The following ERC1 variants were observed in gnomAD, a reference collection of about 807,000 sequenced individuals.
The protein encoded by ERC1 is RAB6 interacting protein 2.
Under a neutral mutation model 132.0 loss-of-function variants are expected in ERC1, and 56 were observed. The observed-to-expected ratio is 0.42, with a 90% CI of 0.34 to 0.53. ERC1 has a LOEUF of 0.53. ERC1 is among the 20% of genes least tolerant of loss of function. ERC1 has a pLI of 0.03. For missense variants in ERC1, 1,202 were observed against 1,349.9 expected, an observed-to-expected ratio of 0.89 and a Z score of 1.72; for synonymous variants, 478 against 476.1, an observed-to-expected ratio of 1.00 and a Z score of -0.05.
intron 12 of ERC1, among the ~76,000 whole-genome samples, chr12:1,202,455 C>T (rs61914326): frequency 0.19 from 28,821 of 151,866 alleles, 3,430 homozygotes; most frequent in Non-Finnish European, 0.27. Flanking sequence ...TCCAGGAGTT[C>T]GAGACCAGCT....
chr12:1,418,591 CTTTCTTTCTT>C (rs2092247552), intron 17 of ERC1, among the ~76,000 whole-genome samples: 1 of 20,952 alleles, frequency 4.8e-5, no homozygotes, highest in East Asian at 6.3e-3. Context: ...CTTTCTTTCT[CTTTCTTTCTT>C]TCTTTCTTTC....
intron 15 of ERC1, among the ~76,000 whole-genome samples, chr12:1,290,311 A>T (rs2079352443): frequency 6.6e-6 from 1 of 152,218 alleles, no homozygotes; most frequent in Admixed American, 6.5e-5. Flanking sequence ...TGGCGAGCTT[A>T]CTGGGGAAGA....
At chr12:1,238,161 C>CTTTT (rs34549684) in intron 13 of ERC1, among the ~76,000 whole-genome samples, 3 of 143,742 alleles carry the variant, frequency 2.1e-5, no homozygotes, top group African/African-American at 7.6e-5. Context: ...GTTCTTCCTC[C>CTTTT]TTTTTTTTTT....
chr12:1,369,670 C>T (rs769630654), intron 15 of ERC1, among the ~76,000 whole-genome samples: 4 of 152,184 alleles, frequency 2.6e-5, no homozygotes, highest in Non-Finnish European at 4.4e-5. Flanking sequence ...CCTTTAAGCT[C>T]ATTTCACCAC....
chr12:1,165,018 A>G (rs1952263532), intron 8 of ERC1, among the ~76,000 whole-genome samples: 1 of 152,230 alleles, frequency 6.6e-6, no homozygotes, highest in Non-Finnish European at 1.5e-5. Flanking sequence ...ACCAGAAAGA[A>G]TTCTGAACAA....
chr12:1,446,152 G>T (rs895319158), intron 18 of ERC1, among the ~76,000 whole-genome samples: 1 of 152,116 alleles, frequency 6.6e-6, no homozygotes, highest in African/African-American at 2.4e-5. Flanking sequence ...ACTGTCACTT[G>T]TAAAAATCCA....
chr12:1,411,695 A>G (rs1422614043), intron 17 of ERC1, among the ~76,000 whole-genome samples: 1 of 152,174 alleles, frequency 6.6e-6, no homozygotes, highest in Non-Finnish European at 1.5e-5. Context: ...AGCTGGATGT[A>G]GTTTACTGGT....
intron 2 of ERC1, among the ~76,000 whole-genome samples, chr12:1,064,478 T>C (rs1227431264): frequency 1.3e-5 from 2 of 152,166 alleles, no homozygotes; most frequent in East Asian, 3.9e-4. Context: ...CACTGCAGCC[T>C]TGAACTCCTG....
chr12:1,214,661 T>TACACAC (rs775294140), intron 12 of ERC1, among the ~76,000 whole-genome samples: 34 of 118,078 alleles, frequency 2.9e-4, no homozygotes, highest in African/African-American at 1.6e-3. Context: ...CGTGTGTGTA[T>TACACAC]ACATACACAC....
At chr12:1,147,271 G>T (rs1009328010) in intron 8 of ERC1, among the ~76,000 whole-genome samples, 3 of 152,092 alleles carry the variant, frequency 2.0e-5, no homozygotes, top group Admixed American at 2.0e-4. Context: ...TGTCATAGAT[G>T]GCTTAAGGTA....
At chr12:1,109,784 A>G (rs1945650004) in intron 4 of ERC1, among the ~76,000 whole-genome samples, 1 of 152,232 alleles carries the variant, frequency 6.6e-6, no homozygotes, top group Non-Finnish European at 1.5e-5. Flanking sequence ...ATGGTGGCTC[A>G]CGCCCATAAG....
At chr12:1,455,160 T>C (rs2093503752) in intron 18 of ERC1, among the ~76,000 whole-genome samples, 1 of 152,234 alleles carries the variant, frequency 6.6e-6, no homozygotes, top group Non-Finnish European at 1.5e-5. Context: ...ATATGCTGTG[T>C]AAATATAAAT....
At chr12:1,075,189 T>C (rs182445959) in intron 2 of ERC1, among the ~76,000 whole-genome samples, 7 of 152,324 alleles carry the variant, frequency 4.6e-5, no homozygotes, top group Admixed American at 3.9e-4. Context: ...TTTAAAATTA[T>C]GGAAATTAGA....
intron 2 of ERC1, among the ~76,000 whole-genome samples, chr12:1,074,581 C>T (rs984283030): frequency 6.6e-6 from 1 of 152,168 alleles, no homozygotes; most frequent in African/African-American, 2.4e-5. Context: ...CAGGCATGAG[C>T]CACTGCACCC....
At chr12:1,478,864 C>G (rs10848478) in intron 18 of ERC1, among the ~76,000 whole-genome samples, 2 of 151,700 alleles carry the variant, frequency 1.3e-5, no homozygotes, top group Non-Finnish European at 1.5e-5. Flanking sequence ...AATTTTTTCT[C>G]TTTGTGATTA....
intron 18 of ERC1, among the ~76,000 whole-genome samples, chr12:1,459,091 T>C (rs1451936842): frequency 6.6e-6 from 1 of 152,168 alleles, no homozygotes. Context: ...TAAGTAAAGA[T>C]AGTAACAGAT....
At chr12:1,410,416 C>A in intron 17 of ERC1, 1 of 1,324,228 alleles carries the variant, frequency 7.6e-7, no homozygotes, top group Non-Finnish European at 9.9e-7. Context: ...ATGGGCATAG[C>A]CAATCAGAGG....
chr12:1,009,076 A>G (rs1964221785), intron 1 of ERC1, among the ~76,000 whole-genome samples: 1 of 152,190 alleles, frequency 6.6e-6, no homozygotes, highest in Non-Finnish European at 1.5e-5. Flanking sequence ...CTTTGAGCAA[A>G]CTAATTTTAA....
At chr12:1,313,458 C>T (rs1448182920) in intron 15 of ERC1, among the ~76,000 whole-genome samples, 1 of 152,032 alleles carries the variant, frequency 6.6e-6, no homozygotes, top group African/African-American at 2.4e-5. Flanking sequence ...CTTTCCTGTT[C>T]AGAAACGTGT....
Sources: allele counts gnomAD v4.1 joint callset (sites outside exome capture counted in the v4.1 genomes callset), GRCh38; gene constraint gnomAD v4.1.1; transcripts MANE v1.5; gene names NCBI Gene and HGNC (gene_info 2026-07-23, HGNC 2026-07-21).